Variants in RIT2 observed in about 807,000 individuals in gnomAD.
The protein encoded by RIT2 is Ras like without CAAX 2, also known as GTP-binding protein Rit2.
A neutral mutation model predicts 23.7 loss-of-function variants in RIT2; 24 were observed. That is an observed-to-expected ratio of 1.01 (90% CI 0.73 to 1.43). RIT2 has a LOEUF of 1.43. Ranked by LOEUF, RIT2 falls within the 40% of genes most tolerant of loss-of-function variation. The pLI is 0.00. For missense variants in RIT2, 236 were observed against 266.9 expected (o/e 0.88, Z 0.81); for synonymous variants, 107 against 91.1 (o/e 1.17, Z -0.99).
At chr18:42,937,805 C>T (rs1013155960) in intron 3 of RIT2, among the ~76,000 whole-genome samples, 5 of 152,140 alleles carry the variant, frequency 3.3e-5, no homozygotes, top group African/African-American at 9.7e-5. Flanking sequence ...CTAACCCAAT[C>T]TTATCAAACT....
chr18:42,783,549 T>TA (rs398120381), intron 4 of RIT2, among the ~76,000 whole-genome samples: 2 of 151,904 alleles, frequency 1.3e-5, no homozygotes, highest in African/African-American at 4.8e-5. Context: ...GTTGATTTTT[T>TA]AAGTTTATAA....
chr18:43,074,688 C>T (rs1047782175), intron 1 of RIT2, among the ~76,000 whole-genome samples: 2 of 152,156 alleles, frequency 1.3e-5, no homozygotes, highest in Non-Finnish European at 2.9e-5. Flanking sequence ...AAATCTGGCA[C>T]ATATACACCA....
intron 2 of RIT2, among the ~76,000 whole-genome samples, chr18:43,015,869 T>C (rs968148638): frequency 2.0e-5 from 3 of 151,786 alleles, no homozygotes; most frequent in African/African-American, 7.2e-5. Flanking sequence ...GCACAAAATA[T>C]GACAGTATAT....
chr18:42,871,361 T>G (rs1907617421), intron 4 of RIT2, among the ~76,000 whole-genome samples: 1 of 152,182 alleles, frequency 6.6e-6, no homozygotes, highest in South Asian at 2.1e-4. Context: ...GTGATGTGAA[T>G]TTAAGTGTGT....
chr18:42,791,416 G>C (rs1440003482), intron 4 of RIT2, among the ~76,000 whole-genome samples: 1 of 152,132 alleles, frequency 6.6e-6, no homozygotes, highest in Admixed American at 6.5e-5. Context: ...CTTAGTAACT[G>C]TTTCTGTTTT....
In RIT2 at chr18:42,743,535, C is replaced by T. The variant is rs1912843344; in HGVS notation, c.612G>A (p.Lys204=). 6.2e-7 allele frequency: 1 copy of T among 1,613,854 alleles called. No homozygotes were observed. The highest frequency in any genetic ancestry group is 2.2e-5 in the East Asian group (1 of 44,854). Reference sequence around the variant, plus strand: ...TCTTCTTCTTCAAAGAACCTTTGAGCTTCTTCCACAGGCTGTCTTTTCTCT... The same window carrying T: ...TCTTCTTCTTCAAAGAACCTTTGAGTTTCTTCCACAGGCTGTCTTTTCTCT... The part of the protein sequence containing the change: ...KLKRKDSLWK[K]LKGSLKKKRE... Residue 204 remains lysine (K), a synonymous_variant, in exon 5 of 5, where the codon AAG becomes AAA. Transcript: ENST00000326695.
chr18:42,927,332 C>A (rs1909205638), intron 3 of RIT2, among the ~76,000 whole-genome samples: 1 of 144,872 alleles, frequency 6.9e-6, no homozygotes, highest in Admixed American at 7.3e-5. Flanking sequence ...TATACCAACT[C>A]TTTACACAAC....
At chr18:43,093,584 A>G (rs1033680268) in intron 1 of RIT2, among the ~76,000 whole-genome samples, 17 of 152,082 alleles carry the variant, frequency 1.1e-4, no homozygotes, top group African/African-American at 4.1e-4. Context: ...AGGGAACTAG[A>G]GAATGAATAT....
chr18:42,891,187 T>C (rs1908164338), intron 4 of RIT2, among the ~76,000 whole-genome samples: 2 of 152,118 alleles, frequency 1.3e-5, no homozygotes, highest in South Asian at 4.1e-4. Flanking sequence ...CAATTTTTCT[T>C]CTCTGCCTTT....
intron 4 of RIT2, among the ~76,000 whole-genome samples, chr18:42,836,680 C>A (rs771572811): frequency 6.6e-6 from 1 of 152,140 alleles, no homozygotes; most frequent in Non-Finnish European, 1.5e-5. Context: ...AAAAATGCCA[C>A]CAGCTATTTT....
At chr18:43,007,237 T>C (rs759095448) in intron 2 of RIT2, among the ~76,000 whole-genome samples, 20 of 151,758 alleles carry the variant, frequency 1.3e-4, no homozygotes, top group Non-Finnish European at 2.2e-4. Flanking sequence ...TCTATATTTA[T>C]ATGTAGAATT....
intron 3 of RIT2, among the ~76,000 whole-genome samples, chr18:42,953,330 T>TA (rs1346015395): frequency 6.6e-6 from 1 of 152,180 alleles, no homozygotes; most frequent in East Asian, 1.9e-4. Context: ...TGACTTATTT[T>TA]AAAGAAATAC....
At chr18:42,839,532 A>G (rs370805351) in intron 4 of RIT2, among the ~76,000 whole-genome samples, 264 of 152,328 alleles carry the variant, frequency 1.7e-3, no homozygotes, top group African/African-American at 5.7e-3. Flanking sequence ...AGAAAATTCC[A>G]TAGTATGAAT....
At chr18:43,072,971 A>AT (rs1219386714) in intron 1 of RIT2, among the ~76,000 whole-genome samples, 1 of 152,172 alleles carries the variant, frequency 6.6e-6, no homozygotes, top group Non-Finnish European at 1.5e-5. Flanking sequence ...TTCTCTCTGA[A>AT]TCATGCTCCC....
At chr18:42,802,619 T>C (rs1905574060) in intron 4 of RIT2, among the ~76,000 whole-genome samples, 1 of 152,200 alleles carries the variant, frequency 6.6e-6, no homozygotes. Flanking sequence ...GCATTATTTA[T>C]TTTGTAAACA....
chr18:42,941,169 G>T (rs1184466112), intron 3 of RIT2, among the ~76,000 whole-genome samples: 1 of 152,104 alleles, frequency 6.6e-6, no homozygotes, highest in Non-Finnish European at 1.5e-5. Flanking sequence ...AAGGCAAAAA[G>T]AAATGAGCAA....
intron 3 of RIT2, among the ~76,000 whole-genome samples, chr18:42,956,736 G>C (rs1226941105): frequency 6.6e-6 from 1 of 152,058 alleles, no homozygotes; most frequent in South Asian, 2.1e-4. Context: ...ACCTAGTAGA[G>C]AAATTACATC....
intron 3 of RIT2, among the ~76,000 whole-genome samples, chr18:42,972,930 T>C (rs961891545): frequency 3.3e-5 from 5 of 151,874 alleles, no homozygotes; most frequent in Non-Finnish European, 7.4e-5. Flanking sequence ...TAAAACTTTC[T>C]ACTATATAAA....
intron 4 of RIT2, among the ~76,000 whole-genome samples, chr18:42,836,046 GA>G (rs1409909135): frequency 6.6e-6 from 1 of 152,026 alleles, no homozygotes; most frequent in South Asian, 2.1e-4. Context: ...TCTTATTTAA[GA>G]ACTTATTTCT....
Sources: allele counts gnomAD v4.1 joint callset (sites outside exome capture counted in the v4.1 genomes callset), GRCh38; gene constraint gnomAD v4.1.1; transcripts MANE v1.5; gene names NCBI Gene and HGNC (gene_info 2026-07-23, HGNC 2026-07-21).